The following SPMIP2 variants were observed in gnomAD, a reference collection of about 807,000 sequenced individuals.
SPMIP2 encodes protein SPMIP2.
the SPMIP2 span, chr4:158,915,140 A>G: frequency 4.4e-5 from 70 of 1,578,798 alleles, no homozygotes; most frequent in East Asian, 9.0e-5. Flanking sequence ...GACTTTTTCT[A>G]TGACGATTTA....
At chr4:158,969,206 G>A in the SPMIP2 span, among the ~76,000 whole-genome samples, 1 of 152,126 alleles carries the variant, frequency 6.6e-6, no homozygotes, top group Non-Finnish European at 1.5e-5. Context: ...ATGGACATTA[G>A]GAAGCCAGGA....
chr4:158,922,123 C>G, the SPMIP2 span, among the ~76,000 whole-genome samples: 577 of 152,154 alleles, frequency 3.8e-3, 11 homozygotes, highest in East Asian at 0.057. Context: ...CTCCTGACCT[C>G]GTGATCTGCC....
the SPMIP2 span, among the ~76,000 whole-genome samples, chr4:158,986,823 C>T: frequency 1.1e-3 from 162 of 150,304 alleles, no homozygotes; most frequent in Non-Finnish European, 1.6e-3. Flanking sequence ...GCAAAAGAAA[C>T]TACCATCAGA....
At chr4:159,040,236 C>CACGA in the SPMIP2 span, among the ~76,000 whole-genome samples, 1 of 150,450 alleles carries the variant, frequency 6.6e-6, no homozygotes, top group Admixed American at 6.6e-5. Context: ...CAGTGGTGTG[C>CACGA]TCTTGGCTCA....
At chr4:159,049,584 T>C in the SPMIP2 span, among the ~76,000 whole-genome samples, 1 of 152,236 alleles carries the variant, frequency 6.6e-6, no homozygotes, top group African/African-American at 2.4e-5. Flanking sequence ...TTCTTGGAAA[T>C]ATTCCAAAGC....
chr4:159,010,332 CAA>C, the SPMIP2 span, among the ~76,000 whole-genome samples: 1 of 152,186 alleles, frequency 6.6e-6, no homozygotes, highest in African/African-American at 2.4e-5. Context: ...ATCCAACTGA[CAA>C]AATATTTCCA....
At chr4:158,948,321 A>G in the SPMIP2 span, among the ~76,000 whole-genome samples, 1 of 152,032 alleles carries the variant, frequency 6.6e-6, no homozygotes, top group African/African-American at 2.4e-5. Context: ...TTGGAGGTAC[A>G]TTTTTTGAGT....
chr4:158,905,187 A>AC, the SPMIP2 span: 12 of 152,430 alleles, frequency 7.9e-5, no homozygotes, highest in African/African-American at 2.7e-4. Flanking sequence ...CTTGGAGTTT[A>AC]CCTTGTTTCA....
the SPMIP2 span, among the ~76,000 whole-genome samples, chr4:159,022,335 C>T: frequency 6.6e-6 from 1 of 152,158 alleles, no homozygotes; most frequent in African/African-American, 2.4e-5. Flanking sequence ...TTATCATTTA[C>T]AGAATGGTAT....
At chr4:158,947,014 G>A in the SPMIP2 span, among the ~76,000 whole-genome samples, 2 of 152,150 alleles carry the variant, frequency 1.3e-5, no homozygotes, top group Admixed American at 6.5e-5. Flanking sequence ...AGCTTCCTGA[G>A]AACCCTACTC....
the SPMIP2 span, among the ~76,000 whole-genome samples, chr4:159,066,385 G>A: frequency 6.6e-6 from 1 of 151,914 alleles, no homozygotes; most frequent in Non-Finnish European, 1.5e-5. Context: ...GGATTTCAAT[G>A]CCCTCAGGAT....
the SPMIP2 span, among the ~76,000 whole-genome samples, chr4:159,028,874 C>T: frequency 7.9e-4 from 120 of 152,232 alleles, no homozygotes; most frequent in African/African-American, 2.6e-3. Flanking sequence ...GCTGGTGGAT[C>T]ACTTGAGCTC....
At chr4:158,946,857 G>A in the SPMIP2 span, among the ~76,000 whole-genome samples, 5 of 152,194 alleles carry the variant, frequency 3.3e-5, no homozygotes, top group Non-Finnish European at 7.3e-5. Context: ...TGTCTGTCTT[G>A]TTCACTTCTG....
chr4:158,958,257 CCT>C, the SPMIP2 span, among the ~76,000 whole-genome samples: 2 of 152,166 alleles, frequency 1.3e-5, no homozygotes, highest in Non-Finnish European at 2.9e-5. Context: ...ACCTCAGGCT[CCT>C]GAATAGCGGA....
chr4:158,897,201 A>G, the SPMIP2 span, among the ~76,000 whole-genome samples: 3 of 152,188 alleles, frequency 2.0e-5, no homozygotes, highest in South Asian at 4.1e-4. Flanking sequence ...ATAGTATTCC[A>G]TGGTGTATAT....
At chr4:158,967,122 A>G in the SPMIP2 span, among the ~76,000 whole-genome samples, 1 of 152,216 alleles carries the variant, frequency 6.6e-6, no homozygotes, top group Admixed American at 6.5e-5. Flanking sequence ...ATCAAACATA[A>G]AATTTATTTT....
chr4:158,957,124 G>T, the SPMIP2 span, among the ~76,000 whole-genome samples: 3 of 152,000 alleles, frequency 2.0e-5, no homozygotes, highest in Non-Finnish European at 4.4e-5. Context: ...AGCTGTTCTT[G>T]TCACCTTCCA....
chr4:159,048,960 T>C, the SPMIP2 span, among the ~76,000 whole-genome samples: 1 of 152,100 alleles, frequency 6.6e-6, no homozygotes, highest in East Asian at 1.9e-4. Flanking sequence ...ACGTGGGCTT[T>C]TAGTTGACAT....
chr4:159,076,648 A>G, the SPMIP2 span, among the ~76,000 whole-genome samples: 20 of 152,258 alleles, frequency 1.3e-4, no homozygotes, highest in South Asian at 3.7e-3. Flanking sequence ...AAACATACTT[A>G]AACAATTTTT....
Sources: allele counts gnomAD v4.1 joint callset (sites outside exome capture counted in the v4.1 genomes callset), GRCh38; gene constraint gnomAD v4.1.1; transcripts MANE v1.5; gene names NCBI Gene and HGNC (gene_info 2026-07-23, HGNC 2026-07-21).